Variants in KCND2 observed in about 807,000 individuals in gnomAD.
KCND2 encodes A-type voltage-gated potassium channel KCND2.
Under a neutral mutation model 54.4 loss-of-function variants are expected in KCND2, and 16 were observed. That is an observed-to-expected ratio of 0.29 (90% CI 0.20 to 0.45). The LOEUF (loss-of-function observed/expected upper bound fraction) is 0.45. KCND2 is among the 20% of genes least tolerant of loss of function. The probability of loss-of-function intolerance (pLI) is 1.00; values close to 1 mark genes in which losing one functional copy is unlikely to be tolerated. For synonymous variants in KCND2, 317 were observed against 310.7 expected (o/e 1.02, Z -0.21); for missense variants, 486 against 824.2 (o/e 0.59, Z 5.02).
intron 1 of KCND2, among the ~76,000 whole-genome samples, chr7:120,719,392 T>C (rs1470501787): frequency 6.6e-6 from 1 of 152,186 alleles, no homozygotes; most frequent in Admixed American, 6.6e-5. Flanking sequence ...CAACTATAAA[T>C]AAACCATTAT....
intron 1 of KCND2, among the ~76,000 whole-genome samples, chr7:120,520,514 T>C (rs1791675329): frequency 1.3e-5 from 2 of 151,584 alleles, no homozygotes; most frequent in Admixed American, 6.6e-5. Flanking sequence ...GAAATACACA[T>C]GAGAAATGGT....
At chr7:120,702,870 A>G (rs1792420891) in intron 1 of KCND2, among the ~76,000 whole-genome samples, 1 of 152,112 alleles carries the variant, frequency 6.6e-6, no homozygotes. Context: ...AATCTGTACA[A>G]TAACCCCCCC....
intron 1 of KCND2, among the ~76,000 whole-genome samples, chr7:120,352,315 G>GTTTTCCCAAATACATACATATATAT (rs1239140574): frequency 6.6e-6 from 1 of 151,124 alleles, no homozygotes; most frequent in African/African-American, 2.4e-5. Context: ...GGAAGCAATA[G>GTTTTCCCAAATACATACATATATAT]TTTTCCCAAA....
At chr7:120,408,283 C>T (rs1372659053) in intron 1 of KCND2, among the ~76,000 whole-genome samples, 7 of 151,786 alleles carry the variant, frequency 4.6e-5, no homozygotes, top group African/African-American at 9.7e-5. Context: ...TGCAGGAAGA[C>T]GAACAGTAAG....
At chr7:120,357,518 T>C (rs1800523917) in intron 1 of KCND2, among the ~76,000 whole-genome samples, 1 of 152,152 alleles carries the variant, frequency 6.6e-6, no homozygotes, top group Non-Finnish European at 1.5e-5. Context: ...GTTATTGCAA[T>C]AAATAAACTA....
At chr7:120,352,233 G>A (rs749709772) in intron 1 of KCND2, among the ~76,000 whole-genome samples, 1 of 151,994 alleles carries the variant, frequency 6.6e-6, no homozygotes, top group Non-Finnish European at 1.5e-5. Context: ...ACCAGGCTGG[G>A]CCCTCTCTTC....
chr7:120,387,488 G>A (rs1801007920), intron 1 of KCND2, among the ~76,000 whole-genome samples: 1 of 151,768 alleles, frequency 6.6e-6, no homozygotes, highest in African/African-American at 2.4e-5. Flanking sequence ...TCTCATAAAC[G>A]AAATAGGGAC....
intron 1 of KCND2, among the ~76,000 whole-genome samples, chr7:120,679,441 G>T (rs796107369): frequency 6.6e-6 from 1 of 151,866 alleles, no homozygotes; most frequent in Non-Finnish European, 1.5e-5. Context: ...TGTGGCTTTG[G>T]GGGCTTCTTC....
chr7:120,322,177 T>TA (rs148905462), intron 1 of KCND2, among the ~76,000 whole-genome samples: 2 of 151,814 alleles, frequency 1.3e-5, no homozygotes, highest in African/African-American at 4.8e-5. Flanking sequence ...AACCTTTTTT[T>TA]AAAAAAAAGC....
chr7:120,584,101 G>C (rs1241112972), intron 1 of KCND2, among the ~76,000 whole-genome samples: 2 of 152,148 alleles, frequency 1.3e-5, no homozygotes, highest in Non-Finnish European at 2.9e-5. Flanking sequence ...TGAAACTGAG[G>C]TAAACATCTG....
At chr7:120,581,138 G>A (rs1381831138) in intron 1 of KCND2, among the ~76,000 whole-genome samples, 10 of 152,098 alleles carry the variant, frequency 6.6e-5, no homozygotes, top group African/African-American at 1.4e-4. Flanking sequence ...ATATAATAAC[G>A]AAGCATACCC....
At chr7:120,745,292 T>G (rs1009736170) in intron 4 of KCND2, among the ~76,000 whole-genome samples, 1 of 152,176 alleles carries the variant, frequency 6.6e-6, no homozygotes, top group East Asian at 1.9e-4. Flanking sequence ...TTTTCTAATT[T>G]AGAAATGTTT....
At chr7:120,490,169 G>A (rs1347594542) in intron 1 of KCND2, among the ~76,000 whole-genome samples, 6 of 152,088 alleles carry the variant, frequency 3.9e-5, no homozygotes, top group African/African-American at 4.8e-5. Context: ...TCAGTAATAC[G>A]TTAGTATCAG....
At chr7:120,730,672 C>T (rs567550505) in intron 1 of KCND2, among the ~76,000 whole-genome samples, 7 of 152,238 alleles carry the variant, frequency 4.6e-5, no homozygotes, top group African/African-American at 1.7e-4. Context: ...AACTACTGAT[C>T]ACCCACAAAC....
chr7:120,623,064 A>C (rs569387003), intron 1 of KCND2, among the ~76,000 whole-genome samples: 2 of 152,308 alleles, frequency 1.3e-5, no homozygotes, highest in African/African-American at 4.8e-5. Flanking sequence ...AAGTTTAAAC[A>C]AAGGTAATAG....
intron 1 of KCND2, among the ~76,000 whole-genome samples, chr7:120,384,603 T>C (rs1407456741): frequency 8.5e-5 from 13 of 152,194 alleles, no homozygotes; most frequent in Admixed American, 5.9e-4. Flanking sequence ...ACTTTATTAC[T>C]GGATCTAAAT....
intron 1 of KCND2, among the ~76,000 whole-genome samples, chr7:120,636,812 T>C (rs142974079): frequency 3.9e-5 from 6 of 152,284 alleles, no homozygotes; most frequent in Non-Finnish European, 7.4e-5. Context: ...ATTGCCTAAA[T>C]TGGCAGTTTT....
At chr7:120,568,225 C>A (rs1309949832) in intron 1 of KCND2, among the ~76,000 whole-genome samples, 2 of 152,016 alleles carry the variant, frequency 1.3e-5, no homozygotes, top group Non-Finnish European at 2.9e-5. Flanking sequence ...ATGAAGACTG[C>A]TGTATATTAA....
chr7:120,416,152 T>C (rs1401545948), intron 1 of KCND2, among the ~76,000 whole-genome samples: 1 of 152,220 alleles, frequency 6.6e-6, no homozygotes, highest in Non-Finnish European at 1.5e-5. Context: ...GAGCTCTTTT[T>C]TTATACATAT....
Sources: allele counts gnomAD v4.1 joint callset (sites outside exome capture counted in the v4.1 genomes callset), GRCh38; gene constraint gnomAD v4.1.1; transcripts MANE v1.5; gene names NCBI Gene and HGNC (gene_info 2026-07-23, HGNC 2026-07-21).